Variants in RNF213 observed in about 807,000 individuals in gnomAD.
RNF213 encodes the protein E3 ubiquitin-protein ligase RNF213.
Under a neutral mutation model 514.4 loss-of-function variants are expected in RNF213, and 341 were observed. That is an observed-to-expected ratio of 0.66 (90% CI 0.61 to 0.73). RNF213 has a LOEUF of 0.73. Ranked by LOEUF, RNF213 falls within the 30% of genes least tolerant of loss-of-function variation. The pLI is 0.00. For missense variants in RNF213, 5,767 were observed against 6,615.6 expected (o/e 0.87, Z 4.45); for synonymous variants, 2,655 against 2,658.2 (o/e 1.00, Z 0.04).
rs1363937617 is a variant in RNF213, at chr17:80,345,667, C to T, written c.7332C>T (p.Asp2444=). Residue 2444 remains aspartate, a synonymous_variant, in exon 29 of 68, where the codon GAC becomes GAT. Transcript: ENST00000582970. This position sits in a 1 kb window ranked among gnomAD's most constrained non-coding sequence, Gnocchi z 6.0. ...TGCGGCGTGGTGGTACCAATGCTGA[C>T]ACCATAAAGCTGGTCAAGGTGCACG... ...SDLRRGGTNA[D]TIKLVKVHGG... 5 of 1,614,230 alleles carry T rather than the reference C, an allele frequency of 3.1e-6. No homozygotes were observed. The highest frequency in any genetic ancestry group is 4.2e-6 in the Non-Finnish European group (5 of 1,180,048).
rs765070483 is a variant in RNF213, at chr17:80,334,092, C to T, written c.4144-13C>T. 3.3e-6 allele frequency: 5 copies of T among 1,537,114 alleles called. No individual in the cohort carries two copies. In the South Asian group the frequency reaches 5.9e-5, roughly 18 times the overall value. ...TAATGAGTTCCAGTCCACAGTAGAG[C>T]TTTTTCTTGCAGACTGATAACTTCG... On this transcript the variant is annotated splice_polypyrimidine_tract_variant and intron_variant, in intron 21 of 67. Transcript: ENST00000582970.
In RNF213 at chr17:80,332,031, A is replaced by C; in HGVS notation, c.3543A>C (p.Arg1181Ser). The C allele has an allele frequency of 1.3e-6, 2 of 1,536,776 alleles. No individual in the cohort carries two copies. Among genetic ancestry groups the C allele is most frequent in the Non-Finnish European group, 1.7e-6 (2 of 1,146,636 alleles). Residue 1181 changes from arginine to serine, a missense_variant, in exon 21 of 68, where the codon AGA becomes AGC. Physicochemically the swap from Arg to Ser is moderately radical, Grantham distance 110. Coordinates refer to ENST00000582970, the MANE Select transcript of RNF213 (RefSeq NM_001256071.3). ...IQVDFGVLAV[R>S]HSQDLSSKRL... Reference sequence around the variant, plus strand: ...TGGACTTTGGAGTGCTTGCAGTAAGACACTCACAAGACCTCAGCAGTAAAA... The same window carrying C: ...TGGACTTTGGAGTGCTTGCAGTAAGCCACTCACAAGACCTCAGCAGTAAAA...
rs1218424413 is a variant in RNF213 at position 80,396,187 on chromosome 17, G to C, written c.*2689G>C. On this transcript the variant is annotated 3_prime_UTR_variant, in exon 68 of 68. Coordinates refer to ENST00000582970, the MANE Select transcript of RNF213 (RefSeq NM_001256071.3). Reference sequence around the variant, plus strand: ...TGAGGTATGAGGATTGCTTGAGCCTGGGAGTTTGAGGCTGCAGTGAGCTAT... The same window carrying C: ...TGAGGTATGAGGATTGCTTGAGCCTCGGAGTTTGAGGCTGCAGTGAGCTAT... The C allele has an allele frequency of 6.6e-6, 1 of 152,158 alleles. No homozygotes were observed. 9.4% of individuals were successfully genotyped at this position (152,158 alleles called of 1,614,324 possible). A position where few individuals can be genotyped will look rare whatever the true frequency, so the allele number is the denominator to read the frequency against.
At chr17:80,268,421 A>G (rs1369169708) in intron 2 of RNF213, among the ~76,000 whole-genome samples, 5 of 148,538 alleles carry the variant, frequency 3.4e-5, no homozygotes, top group Non-Finnish European at 7.4e-5. Flanking sequence ...GATTAGTGCC[A>G]CCACCAAGCA....
chr17:80,319,726 G>A, intron 17 of RNF213: 1 of 1,405,440 alleles, frequency 7.1e-7, no homozygotes, highest in South Asian at 1.5e-5. Flanking sequence ...ATGTGAAATG[G>A]AAAATTGTAT....
rs552623337 is a variant in RNF213, at chr17:80,363,832, C to T, written c.11750+42C>T. On this transcript the variant is annotated intron_variant, in intron 41 of 67. Transcript: ENST00000582970. The stretch of plus-strand genomic sequence containing the variant: ...CTCACCCACTGCTTCATCTGGCGCG[C>T]GCTCACCAGGAGCCTGCCAAGTGCC... 856 of 1,586,554 alleles carry T rather than the reference C, an allele frequency of 5.4e-4. 10 individuals are homozygous for T. The South Asian group carries it at 8.5e-3, about 16-fold the overall frequency.
In RNF213 at chr17:80,372,583, G is replaced by A. The variant is rs2079558458; in HGVS notation, c.12600G>A (p.Glu4200=). The A allele has an allele frequency of 6.2e-7, 1 of 1,614,028 alleles. No homozygotes were observed. Among genetic ancestry groups the A allele is most frequent in the African/African-American group, 1.3e-5 (1 of 75,042 alleles). Residue 4200 remains glutamate (E), a synonymous_variant, in exon 48 of 68, where the codon GAG becomes GAA. Coordinates refer to ENST00000582970, the MANE Select transcript of RNF213 (RefSeq NM_001256071.3). ...SRNDELNHLE[E]EGRFLKAYSP... ...ATGATGAACTGAACCACCTAGAAGA[G>A]GAAGGTCGTTTCCTTAAGGCATATT...
At position 80,319,873 on chromosome 17, in the gene RNF213, C is replaced by T. The variant is rs1379537902; in HGVS notation, c.3024+561C>T. Reference sequence around the variant, plus strand: ...CCTGCTCACATTTCCTAATTGGACACTTAACCCCTGTACAAGCACAGCCTT... The same window carrying T: ...CCTGCTCACATTTCCTAATTGGACATTTAACCCCTGTACAAGCACAGCCTT... On this transcript the variant is annotated intron_variant, in intron 17 of 67. Coordinates refer to ENST00000582970, the MANE Select transcript of RNF213 (RefSeq NM_001256071.3). 2.6e-6 allele frequency: 3 copies of T among 1,145,708 alleles called. No homozygotes were observed. In the East Asian group the frequency reaches 1.9e-4, roughly 72 times the overall value. 71.0% of individuals were successfully genotyped at this position (1,145,708 alleles called of 1,614,324 possible). A position where few individuals can be genotyped will look rare whatever the true frequency, so the allele number is the denominator to read the frequency against.
At position 80,288,501 on chromosome 17, in the gene RNF213, G is replaced by T; in HGVS notation, c.811-132G>T. The T allele has an allele frequency of 6.2e-7, 1 of 1,600,016 alleles. No homozygotes were observed. The highest frequency in any genetic ancestry group is 8.5e-7 in the Non-Finnish European group (1 of 1,170,998). On this transcript the variant is annotated intron_variant, in intron 4 of 67. Transcript: ENST00000582970. This position sits in a 1 kb window ranked among gnomAD's most constrained non-coding sequence, Gnocchi z 4.9. ...CCTGCTCCCTGGGTGGGAGTCGGAG[G>T]GCTGCCCCTCCACTGGGGATGCCAG...
chr17:80,313,786 T>C (rs1176418750), intron 15 of RNF213, among the ~76,000 whole-genome samples: 4 of 143,050 alleles, frequency 2.8e-5, no homozygotes, highest in African/African-American at 1.0e-4. Context: ...GTGATGGTGG[T>C]GGTGAAGGTG....
rs2044551050 is a variant in RNF213, at chr17:80,288,299, G to A, written c.746G>A (p.Gly249Asp). 6.2e-7 allele frequency: 1 copy of A among 1,612,966 alleles called. No individual in the cohort carries two copies. The highest frequency in any genetic ancestry group is 2.2e-5 in the East Asian group (1 of 44,898). Residue 249 changes from glycine (G) to aspartate (D), a missense_variant, in exon 4 of 68, where the codon GGC (glycine) becomes GAC (aspartate). By Grantham distance (94) the Gly-to-Asp change is moderately conservative. Transcript: ENST00000582970. This position sits in a 1 kb window ranked among gnomAD's most constrained non-coding sequence, Gnocchi z 4.9. ...CTCCTGTTGCCTGAGTCAAAAGGAG[G>A]CAGCTCTGAGCCCGGGACAGAACTG... is the stretch of plus-strand genomic sequence containing the variant. ...QELLLPESKG[G>D]SSEPGTELQT...
intron 50 of RNF213, 98 bp downstream of exon 50, chr17:80,374,687 C>G: frequency 1.4e-6 from 2 of 1,429,746 alleles, no homozygotes; most frequent in Admixed American, 1.9e-5. Flanking sequence ...TGATGGACCA[C>G]TGATGCAGCC....
intron 26 of RNF213, chr17:80,342,009 G>C (rs1328716396): frequency 6.6e-6 from 1 of 152,280 alleles, no homozygotes; most frequent in African/African-American, 2.4e-5. Flanking sequence ...ATGTTGGCCA[G>C]GCTGGTCTCA....
intron 21 of RNF213, chr17:80,333,694 CA>C (rs1186047325): frequency 4.0e-3 from 576 of 145,166 alleles, no homozygotes; most frequent in South Asian, 0.013. Context: ...ACTCTTATCT[CA>C]AAAAAAAAAA....
Position 80,317,645 on chromosome 17 carries a change from G to A in RNF213, c.2901+368G>A, listed in dbSNP as rs1180294447. 1.3e-5 allele frequency among the ~76,000 whole-genome samples: 2 copies of A among 152,176 alleles called. No homozygotes were observed. Among genetic ancestry groups the A allele is most frequent in the African/African-American group, 4.8e-5 (2 of 41,444 alleles). On this transcript the variant is annotated intron_variant, in intron 16 of 67. Transcript: ENST00000582970. The surrounding 1 kb of genome is among the most constrained non-coding windows in gnomAD (Gnocchi z 4.1). The stretch of plus-strand genomic sequence containing the variant: ...TGGCATCTGGCCAGCTGCTTTGGGA[G>A]CTGGCAGGAGCAAGCTCCGTGCAGG...
At chr17:80,344,223 T>C (rs2078242073) in intron 28 of RNF213, among the ~76,000 whole-genome samples, 1 of 152,234 alleles carries the variant, frequency 6.6e-6, no homozygotes, top group Non-Finnish European at 1.5e-5. Context: ...TAATTAGCAG[T>C]GTCTTCAATA....
chr17:80,398,064 G>C lies in RNF213; in HGVS notation c.*4566G>C, dbSNP rs2080697456. On this transcript the variant is annotated 3_prime_UTR_variant, in exon 68 of 68. Coordinates refer to ENST00000582970, the MANE Select transcript of RNF213 (RefSeq NM_001256071.3). ...TGAAACTTGGTAAGACTGGTCTTTG[G>C]AACTTGCCCACTCCATTTGAGGGGA... 6.6e-6 allele frequency: 1 copy of C among 151,418 alleles called. No homozygotes were observed. Among genetic ancestry groups the C allele is most frequent in the Admixed American group, 6.6e-5 (1 of 15,142 alleles). 9.4% of individuals were successfully genotyped at this position (151,418 alleles called of 1,614,324 possible).
At chr17:80,322,575 CA>C (rs201295176) in intron 17 of RNF213, among the ~76,000 whole-genome samples, 1,856 of 147,902 alleles carry the variant, frequency 0.013, 44 homozygotes, top group African/African-American at 0.044. Context: ...GACTCTGTCT[CA>C]AAAAAAAAAA....
chr17:80,393,345 C>A lies in RNF213; in HGVS notation c.15471C>A (p.Ser5157Arg). 1 of 1,613,750 alleles carries A rather than the reference C, an allele frequency of 6.2e-7. No individual in the cohort carries two copies. The highest frequency in any genetic ancestry group is 1.1e-5 in the South Asian group (1 of 91,054). The change falls in exon 68 of 68, where the codon AGC (serine) becomes AGA (arginine). Residue 5157 changes from serine to arginine, a missense_variant and splice_region_variant. Physicochemically the swap from Ser to Arg is moderately radical, Grantham distance 110. This residue lies in a region of RNF213 where 1,245 missense variants were observed against 1,339.0 expected (regional missense o/e 0.93). Coordinates refer to ENST00000582970, the MANE Select transcript of RNF213 (RefSeq NM_001256071.3). ...AATGCTCTCTTCTTTGGTTTTTCAG[C>A]CTGAGAGACACTCTCGTAAGTTACA... is the stretch of plus-strand genomic sequence containing the variant. ...QTEERFRPQW[S>R]LRDTLVSYMQ... is the part of the protein sequence containing the mutation.
Sources: allele counts gnomAD v4.1 joint callset (sites outside exome capture counted in the v4.1 genomes callset), GRCh38; gene constraint gnomAD v4.1.1; regional missense constraint gnomAD v4.1.1; non-coding constraint Gnocchi (gnomAD v3.1); transcripts MANE v1.5; gene names NCBI Gene and HGNC (gene_info 2026-07-23, HGNC 2026-07-21).